PPP2R5A: variants seen among roughly 807,000 people sequenced by gnomAD.
The protein encoded by PPP2R5A is protein phosphatase 2 regulatory subunit B'alpha.
A neutral mutation model predicts 64.2 loss-of-function variants in PPP2R5A; 25 were observed. That is an observed-to-expected ratio of 0.39 (90% CI 0.28 to 0.54). PPP2R5A has a LOEUF of 0.54. Among genes scored for constraint, PPP2R5A ranks in the 20% least tolerant of loss-of-function variants. PPP2R5A has a pLI of 0.67. For missense variants in PPP2R5A, 425 were observed against 576.3 expected, an observed-to-expected ratio of 0.74 and a Z score of 2.69; for synonymous variants, 198 against 201.2, an observed-to-expected ratio of 0.98 and a Z score of 0.13.
chr1:212,353,687 C>A (rs1659926531), intron 8 of PPP2R5A, among the ~76,000 whole-genome samples: 1 of 151,952 alleles, frequency 6.6e-6, no homozygotes, highest in African/African-American at 2.4e-5. Flanking sequence ...CATTAACTCC[C>A]CCCACCAAAA....
intron 1 of PPP2R5A, chr1:212,319,459 C>A (rs1235170597): frequency 2.0e-5 from 3 of 152,302 alleles, no homozygotes; most frequent in African/African-American, 7.2e-5. Flanking sequence ...AATGGATAAT[C>A]AACATCAGCC....
At chr1:212,290,787 C>T (rs1658588515) in intron 1 of PPP2R5A, among the ~76,000 whole-genome samples, 1 of 152,156 alleles carries the variant, frequency 6.6e-6, no homozygotes, top group African/African-American at 2.4e-5. Flanking sequence ...TAGTATGTTA[C>T]TGTCATGTAA....
At chr1:212,321,723 G>C (rs1353627186) in intron 1 of PPP2R5A, among the ~76,000 whole-genome samples, 1 of 147,862 alleles carries the variant, frequency 6.8e-6, no homozygotes, top group Non-Finnish European at 1.5e-5. Context: ...CAGGCAGAGA[G>C]GCTCCTCACA....
At chr1:212,347,217 A>G (rs1659798202) in intron 5 of PPP2R5A, 130 bp from the exon 6 acceptor site, 6 of 664,924 alleles carry the variant, frequency 9.0e-6, no homozygotes, top group Non-Finnish European at 1.6e-5. Flanking sequence ...AAAACTGCTT[A>G]TAAGACCCAA....
At chr1:212,316,062 A>C (rs1297542429) in intron 1 of PPP2R5A, among the ~76,000 whole-genome samples, 2 of 152,148 alleles carry the variant, frequency 1.3e-5, no homozygotes, top group Non-Finnish European at 2.9e-5. Context: ...GGGCCTCCCT[A>C]TTCCCTGAGA....
At chr1:212,289,656 C>T (rs954557666) in intron 1 of PPP2R5A, among the ~76,000 whole-genome samples, 5 of 151,830 alleles carry the variant, frequency 3.3e-5, no homozygotes, top group Non-Finnish European at 7.4e-5. Flanking sequence ...ACAAATCTCC[C>T]CAGGCCTGTG....
chr1:212,342,880 ATT>A (rs1659709089), intron 4 of PPP2R5A, among the ~76,000 whole-genome samples: 1 of 151,906 alleles, frequency 6.6e-6, no homozygotes, highest in Admixed American at 6.6e-5. Flanking sequence ...ATTAGCTGTT[ATT>A]TTTGGAACCT....
At chr1:212,339,625 A>G (rs762316548) in intron 3 of PPP2R5A, among the ~76,000 whole-genome samples, 3 of 152,224 alleles carry the variant, frequency 2.0e-5, no homozygotes, top group Non-Finnish European at 2.9e-5. Flanking sequence ...GAAAGAATTT[A>G]TATGTGGTAT....
intron 8 of PPP2R5A, among the ~76,000 whole-genome samples, chr1:212,355,720 C>T (rs1468633617): frequency 6.6e-6 from 1 of 151,766 alleles, no homozygotes; most frequent in Non-Finnish European, 1.5e-5. Flanking sequence ...ACCATCCTGG[C>T]ATTTCTGGAA....
intron 1 of PPP2R5A, among the ~76,000 whole-genome samples, chr1:212,322,679 A>G (rs1049374107): frequency 6.6e-6 from 1 of 152,236 alleles, no homozygotes; most frequent in Non-Finnish European, 1.5e-5. Context: ...CTGCCAAGAA[A>G]CTTAGTAAAA....
intron 1 of PPP2R5A, among the ~76,000 whole-genome samples, chr1:212,315,075 G>T (rs1659120946): frequency 6.6e-6 from 1 of 152,080 alleles, no homozygotes; most frequent in Non-Finnish European, 1.5e-5. Flanking sequence ...AATACCCCAG[G>T]CATCATTATG....
At chr1:212,343,675 T>G (rs1208062514) in intron 4 of PPP2R5A, among the ~76,000 whole-genome samples, 1 of 152,258 alleles carries the variant, frequency 6.6e-6, no homozygotes, top group African/African-American at 2.4e-5. Flanking sequence ...AAAAATTACA[T>G]TAAATGGAGT....
At chr1:212,335,095 T>C (rs1389609793) in intron 3 of PPP2R5A, among the ~76,000 whole-genome samples, 1 of 152,168 alleles carries the variant, frequency 6.6e-6, no homozygotes, top group Non-Finnish European at 1.5e-5. Context: ...ATATGGATTC[T>C]AGGTATTAAT....
intron 1 of PPP2R5A, among the ~76,000 whole-genome samples, chr1:212,320,508 C>T (rs1659252355): frequency 1.3e-5 from 2 of 152,182 alleles, no homozygotes; most frequent in Middle Eastern, 3.4e-3. Context: ...CTCCTCACTT[C>T]CCAGTAGGGG....
At chr1:212,295,523 G>T (rs1363132583) in intron 1 of PPP2R5A, among the ~76,000 whole-genome samples, 1 of 152,188 alleles carries the variant, frequency 6.6e-6, no homozygotes, top group East Asian at 1.9e-4. Context: ...TGGAGCAATG[G>T]AAGTAGAAGC....
chr1:212,323,378 C>T (rs543522822), intron 1 of PPP2R5A, among the ~76,000 whole-genome samples: 1 of 152,160 alleles, frequency 6.6e-6, no homozygotes, highest in East Asian at 1.9e-4. Flanking sequence ...GAAGTACTAA[C>T]GTTAGCAGTA....
At chr1:212,326,562 ACT>A (rs903941717) in intron 1 of PPP2R5A, among the ~76,000 whole-genome samples, 1 of 152,194 alleles carries the variant, frequency 6.6e-6, no homozygotes, top group African/African-American at 2.4e-5. Context: ...GCGCCACCAC[ACT>A]CTAGCCTGGG....
rs751228809 is a variant in PPP2R5A at position 212,316,587 on chromosome 1, C to CTTTTTTTTTTTTTTTTT, written c.182-12538_182-12522dup. ...ATGGATATTTAACCTTTGTGGGTGA[C>CTTTTTTTTTTTTTTTTT]TTTTTTTTTTTTTTTTTTTTTTTTT... On this transcript the variant is annotated intron_variant, in intron 1 of 12. Coordinates refer to ENST00000261461, the MANE Select transcript of PPP2R5A (RefSeq NM_006243.4). Among the ~76,000 whole-genome samples the CTTTTTTTTTTTTTTTTT allele has an allele frequency of 3.0e-3, 111 of 36,668 alleles. 11 individuals carry two copies. Among genetic ancestry groups the CTTTTTTTTTTTTTTTTT allele is most frequent in the Non-Finnish European group, 5.0e-3 (93 of 18,546 alleles). 24.1% of individuals were successfully genotyped at this position (36,668 alleles called of 152,430 possible). A position where few individuals can be genotyped will look rare whatever the true frequency, so the allele number is the denominator to read the frequency against.
chr1:212,337,533 C>T (rs541920186), intron 3 of PPP2R5A, among the ~76,000 whole-genome samples: 8 of 152,096 alleles, frequency 5.3e-5, no homozygotes, highest in African/African-American at 1.9e-4. Flanking sequence ...AACTCTTGGC[C>T]ATATACTATA....
Sources: gnomAD v4.1 joint callset for allele counts (sites outside exome capture counted in the v4.1 genomes callset) on GRCh38, gnomAD v4.1.1 for gene constraint, MANE v1.5 for transcripts, NCBI Gene and HGNC (gene_info 2026-07-23, HGNC 2026-07-21) for gene names.